The following PTGR2 variants were observed in gnomAD, a reference collection of about 807,000 sequenced individuals.
PTGR2 encodes prostaglandin reductase 2.
In PTGR2, 32 loss-of-function variants were observed where a neutral mutation model predicts 43.4. That is an observed-to-expected ratio of 0.74 (90% CI 0.56 to 0.99). The LOEUF is 0.99. Among genes scored for constraint, PTGR2 ranks in the 50% least tolerant of loss-of-function variants. The pLI is 0.00. For missense variants in PTGR2, 373 were observed against 420.0 expected, an observed-to-expected ratio of 0.89 and a Z score of 0.98; for synonymous variants, 106 against 139.2, an observed-to-expected ratio of 0.76 and a Z score of 1.68.
At chr14:73,865,996 A>C (rs546174378) in intron 3 of PTGR2, among the ~76,000 whole-genome samples, 36 of 151,672 alleles carry the variant, frequency 2.4e-4, no homozygotes, top group African/African-American at 8.7e-4. Context: ...TGAGTCTTCC[A>C]ATCTGTTTTT....
chr14:73,857,629 A>T (rs1275047388), intron 1 of PTGR2, among the ~76,000 whole-genome samples: 2 of 145,618 alleles, frequency 1.4e-5, no homozygotes, highest in East Asian at 4.0e-4. Context: ...CCAAAAAAAA[A>T]ATTTTTTTGA....
rs184640265 is a variant in PTGR2 at position 73,859,409 on chromosome 14, C to G, written c.37+510C>G. Among the ~76,000 whole-genome samples, 9 of 152,188 alleles carry G rather than the reference C, an allele frequency of 5.9e-5. No homozygotes were observed. In the South Asian group the frequency reaches 6.2e-4, roughly 11 times the overall value. On this transcript the variant is annotated intron_variant, in intron 2 of 9. Coordinates refer to ENST00000555661, the MANE Select transcript of PTGR2 (RefSeq NM_001146154.2). ...GTAAAATGAGCAGTTAGATTAAGAT[C>G]TTTATGTACTATTCCCACCTTATAA...
Position 73,884,311 on chromosome 14 carries a change from T to C in PTGR2, c.*134T>C. On this transcript the variant is annotated 3_prime_UTR_variant, in exon 10 of 10. Transcript: ENST00000555661. ...ATCATAGGTGTTATTTTTAGTTGCA[T>C]AGGGTATTTGATACAATCATTAATG... 5.1e-6 allele frequency: 3 copies of C among 587,130 alleles called. No homozygotes were observed. Among genetic ancestry groups the C allele is most frequent in the South Asian group, 4.4e-5 (2 of 45,768 alleles). 36.4% of individuals were successfully genotyped at this position (587,130 alleles called of 1,614,324 possible).
intron 7 of PTGR2, among the ~76,000 whole-genome samples, chr14:73,880,657 GCTAA>G (rs2054964308): frequency 1.3e-5 from 2 of 151,886 alleles, no homozygotes; most frequent in Admixed American, 1.3e-4. Context: ...TTAGGTTCTG[GCTAA>G]CTAGCTACCT....
At chr14:73,852,106 G>C (rs1424738245) in intron 1 of PTGR2, 163 bp downstream of exon 1, 1 of 152,262 alleles carries the variant, frequency 6.6e-6, no homozygotes, top group Non-Finnish European at 1.5e-5. Flanking sequence ...GGGAATGCTC[G>C]AGAAACAGAA....
At chr14:73,858,958 G>C in intron 2 of PTGR2, 59 bp downstream of exon 2, 1 of 1,410,180 alleles carries the variant, frequency 7.1e-7, no homozygotes. Context: ...TGCAAATGGA[G>C]GAATAAAAAC....
Position 73,862,954 on chromosome 14 carries a change from T to C in PTGR2, c.156+2297T>C, listed in dbSNP as rs567604686. ...AACTCCTGGACTCAAGCAATACTCT[T>C]ATCTTGGCCTCCAAAGTGCTGAGAT... On this transcript the variant is annotated intron_variant, in intron 3 of 9. Transcript: ENST00000555661. Among the ~76,000 whole-genome samples the C allele has an allele frequency of 2.0e-5, 3 of 152,228 alleles. No individual in the cohort carries two copies. In the East Asian group the frequency reaches 5.8e-4, roughly 29 times the overall value.
chr14:73,884,255 T>G lies in PTGR2; in HGVS notation c.*78T>G, dbSNP rs2055072887. 6.8e-6 allele frequency: 6 copies of G among 888,202 alleles called. No individual in the cohort carries two copies. The East Asian group carries it at 9.8e-5, about 14-fold the overall frequency. The allele number at this position is 888,202 out of a possible 1,614,324, so 55.0% of individuals were successfully genotyped here. On this transcript the variant is annotated 3_prime_UTR_variant, in exon 10 of 10. Transcript: ENST00000555661. Reference sequence around the variant, plus strand: ...TTTCAAAGATATGTTAAAAAATCCTTAGACTATACATAGCTCTTGATTTAA... The same window carrying G: ...TTTCAAAGATATGTTAAAAAATCCTGAGACTATACATAGCTCTTGATTTAA...
chr14:73,858,031 GTTTGT>G (rs1236563796), intron 1 of PTGR2: 1 of 152,002 alleles, frequency 6.6e-6, no homozygotes, highest in Non-Finnish European at 1.5e-5. Flanking sequence ...ATATCATGTT[GTTTGT>G]TTTATGTTTT....
chr14:73,860,647 A>G lies in PTGR2; in HGVS notation c.146A>G (p.Asp49Gly). 1 of 1,372,880 alleles carries G rather than the reference A, an allele frequency of 7.3e-7. No individual in the cohort carries two copies. Among genetic ancestry groups the G allele is most frequent in the Middle Eastern group, 1.8e-4 (1 of 5,594 alleles). The allele number at this position is 1,372,880 out of a possible 1,614,324, so 85.0% of individuals were successfully genotyped here. ...VQVRTLYLSV[D>G]PYMRCRMNED... is the part of the protein sequence containing the mutation. ...GTTAGAACTCTTTATCTTTCTGTGG[A>G]TCCTTACATGGTAAGAATCAGGATG... Residue 49 changes from aspartate to glycine, a missense_variant, in exon 3 of 10, where the codon GAT (aspartate) becomes GGT (glycine). Asp to Gly is a moderately conservative substitution (Grantham distance 94). Transcript: ENST00000555661.
At chr14:73,857,386 G>GC (rs2054373289) in intron 1 of PTGR2, among the ~76,000 whole-genome samples, 1 of 151,910 alleles carries the variant, frequency 6.6e-6, no homozygotes, top group Non-Finnish European at 1.5e-5. Flanking sequence ...GCCAAGGTGG[G>GC]CAGATCACTT....
chr14:73,874,499 TCA>T, intron 4 of PTGR2: 1 of 497,864 alleles, frequency 2.0e-6, no homozygotes, highest in South Asian at 1.6e-5. Context: ...CACTGGAGCC[TCA>T]CAGAAGAATA....
chr14:73,878,268 A>G (rs997232217), intron 5 of PTGR2: 1 of 152,228 alleles, frequency 6.6e-6, no homozygotes, highest in African/African-American at 2.4e-5. Flanking sequence ...AGCTTGAAAA[A>G]TAATGAATTG....
At chr14:73,862,007 A>G (rs746722319) in intron 3 of PTGR2, among the ~76,000 whole-genome samples, 2 of 151,112 alleles carry the variant, frequency 1.3e-5, no homozygotes, top group East Asian at 3.9e-4. Context: ...CTTCCCGAGT[A>G]GCTGGGATTG....
At chr14:73,870,016 G>GAGAT (rs1378098096) in intron 3 of PTGR2, among the ~76,000 whole-genome samples, 1 of 150,110 alleles carries the variant, frequency 6.7e-6, no homozygotes, top group Non-Finnish European at 1.5e-5. Context: ...GAGTGACAGA[G>GAGAT]ACTCCGTCTC....
intron 5 of PTGR2, 142 bp downstream of exon 5, chr14:73,877,310 G>T (rs2054889087): frequency 1.4e-6 from 1 of 727,256 alleles, no homozygotes; most frequent in Non-Finnish European, 2.1e-6. Flanking sequence ...GAGTCTCCAG[G>T]CTGGAGTGCA....
At chr14:73,858,548 G>A (rs1962795) in intron 1 of PTGR2, 100,215 of 246,956 alleles carry the variant, frequency 0.41, 21,570 homozygotes, top group Non-Finnish European at 0.46. Context: ...GCGAGACTCC[G>A]TCTTTAAAAT....
intron 1 of PTGR2, among the ~76,000 whole-genome samples, chr14:73,856,612 A>G (rs573738779): frequency 1.3e-5 from 2 of 152,340 alleles, no homozygotes; most frequent in African/African-American, 4.8e-5. Context: ...ATACACAAAT[A>G]CTTACCATCG....
rs545410923 is a variant in PTGR2 at position 73,885,639 on chromosome 14, T to G, written c.*1462T>G. ...TGAGGGGGTTTCACTTTTCTCTGTA[T>G]GTTGCTAACTCCCAAATCTCCATCT... On this transcript the variant is annotated 3_prime_UTR_variant, in exon 10 of 10. Coordinates refer to ENST00000555661, the MANE Select transcript of PTGR2 (RefSeq NM_001146154.2). 4 of 152,404 alleles carry G rather than the reference T, an allele frequency of 2.6e-5. No homozygotes were observed. Among genetic ancestry groups the G allele is most frequent in the African/African-American group, 9.6e-5 (4 of 41,590 alleles). The allele number at this position is 152,404 out of a possible 1,614,324, so 9.4% of individuals were successfully genotyped here.
Sources: gnomAD v4.1 joint callset for allele counts (sites outside exome capture counted in the v4.1 genomes callset) on GRCh38, gnomAD v4.1.1 for gene constraint, MANE v1.5 for transcripts, NCBI Gene and HGNC (gene_info 2026-07-23, HGNC 2026-07-21) for gene names.